Variants in LMTK3 observed in about 807,000 individuals in gnomAD.
LMTK3 encodes lemur tail kinase 3, also known as serine/threonine-protein kinase LMTK3.
Under a neutral mutation model 116.7 loss-of-function variants are expected in LMTK3, and 27 were observed. The ratio of observed to expected loss-of-function variants is 0.23; its 90% CI spans 0.17 to 0.32. The LOEUF is 0.32. Among genes scored for constraint, LMTK3 ranks in the 10% least tolerant of loss-of-function variants. LMTK3 has a pLI of 1.00. For missense variants in LMTK3, 1,764 were observed against 2,068.5 expected, an observed-to-expected ratio of 0.85 and a Z score of 2.86; for synonymous variants, 965 against 971.0, an observed-to-expected ratio of 0.99 and a Z score of 0.11.
intron 7 of LMTK3, 77 bp downstream of exon 7, chr19:48,502,356 C>G: frequency 2.0e-6 from 3 of 1,503,288 alleles, no homozygotes; most frequent in Non-Finnish European, 2.7e-6. Context: ...CGCCCCCCCT[C>G]TAGCCCCTCC....
Position 48,511,598 on chromosome 19 carries a change from GTGGAGGTGGTGGCGGCT to G in LMTK3, c.-39_-23del. On this transcript the variant is annotated 5_prime_UTR_variant, in exon 1 of 15. Coordinates refer to ENST00000600059, the MANE Select transcript of LMTK3 (RefSeq NM_001388485.1). ...GCATCTTGTCGAGGATGGCAGGGAG[GTGGAGGTGGTGGCGGCT>G]GGGGAGGAGGGGGGGGCGGGCCCTC... 2 of 1,230,950 alleles carry G rather than the reference GTGGAGGTGGTGGCGGCT, an allele frequency of 1.6e-6. No homozygotes were observed. Among genetic ancestry groups the G allele is most frequent in the Non-Finnish European group, 1.1e-6 (1 of 921,364 alleles). 76.3% of individuals were successfully genotyped at this position (1,230,950 alleles called of 1,614,324 possible).
At chr19:48,507,289 A>T (rs1213552661) in intron 5 of LMTK3, among the ~76,000 whole-genome samples, 1 of 152,216 alleles carries the variant, frequency 6.6e-6, no homozygotes, top group African/African-American at 2.4e-5. Context: ...GATGGAACAG[A>T]GGTGAAGCGA....
rs1475962447 is a variant in LMTK3, at chr19:48,497,857, G to A, written c.3212C>T (p.Ala1071Val). The change falls in exon 11 of 15, where the codon GCC becomes GTC. Residue 1071 changes from alanine to valine, a missense_variant. Transcript: ENST00000600059. The surrounding 1 kb of genome is among the most constrained non-coding windows in gnomAD (Gnocchi z 5.7). ...VVSSRNGGET[A>V]PGPLGPAPKN... ...GGGGGCTGGGCCAAGGGGGCCAGGG[G>A]CTGTCTCCCCGCCGTTCCGGGAGGA... 10 of 1,432,446 alleles carry A rather than the reference G, an allele frequency of 7.0e-6. No homozygotes were observed. Among genetic ancestry groups the A allele is most frequent in the Non-Finnish European group, 9.1e-6 (10 of 1,097,662 alleles). 88.7% of individuals were successfully genotyped at this position (1,432,446 alleles called of 1,614,324 possible). A position where few individuals can be genotyped will look rare whatever the true frequency, so the allele number is the denominator to read the frequency against.
chr19:48,493,988 G>A lies in LMTK3; in HGVS notation c.3798C>T (p.Gly1266=), dbSNP rs1056413601. The change falls in exon 12 of 15, where the codon GGC becomes GGT. Residue 1266 remains glycine (G), a synonymous_variant. Transcript: ENST00000600059. ...CCGCCGGCCCCGGCGCTCCCGCCCC[G>A]CCGGCCTCCCCGCCAGCCGCCCCGG... The part of the protein sequence containing the change: ...ADAGAAGGEA[G]GAGAPGPAEE... 2.8e-6 allele frequency: 3 copies of A among 1,063,706 alleles called. No individual in the cohort carries two copies. Among genetic ancestry groups the A allele is most frequent in the Non-Finnish European group, 3.4e-6 (3 of 884,492 alleles). The allele number at this position is 1,063,706 out of a possible 1,614,324, so 65.9% of individuals were successfully genotyped here.
chr19:48,493,596 C>T, intron 12 of LMTK3, 98 bp downstream of exon 12: 2 of 1,431,698 alleles, frequency 1.4e-6, no homozygotes, highest in Non-Finnish European at 1.8e-6. Flanking sequence ...AGGCCCCGCC[C>T]AACTCTAAGC....
rs35544294 is a variant in LMTK3, at chr19:48,488,738, C to CTTT, written c.4366+2367_4366+2369dup. Reference sequence around the variant, plus strand: ...CCTTCCAGTTCCCAGTTAAATTACACTTTTTTTTTTTTTTTTTTGAGATGG... The same window carrying CTTT: ...CCTTCCAGTTCCCAGTTAAATTACACTTTTTTTTTTTTTTTTTTTTTGAGATGG... On this transcript the variant is annotated intron_variant, in intron 14 of 14. Coordinates refer to ENST00000600059, the MANE Select transcript of LMTK3 (RefSeq NM_001388485.1). Among the ~76,000 whole-genome samples the CTTT allele has an allele frequency of 2.3e-3, 264 of 112,914 alleles. 2 individuals are homozygous for CTTT. Among genetic ancestry groups the CTTT allele is most frequent in the African/African-American group, 8.1e-3 (249 of 30,778 alleles). 74.1% of individuals were successfully genotyped at this position (112,914 alleles called of 152,430 possible). A position where few individuals can be genotyped will look rare whatever the true frequency, so the allele number is the denominator to read the frequency against.
At chr19:48,489,111 G>A (rs1369944473) in intron 14 of LMTK3, among the ~76,000 whole-genome samples, 1 of 152,204 alleles carries the variant, frequency 6.6e-6, no homozygotes, top group African/African-American at 2.4e-5. Context: ...GCCTGAGTTT[G>A]CAGTTCTTCA....
intron 14 of LMTK3, among the ~76,000 whole-genome samples, chr19:48,486,358 C>T (rs1972125534): frequency 2.0e-5 from 3 of 151,176 alleles, no homozygotes; most frequent in African/African-American, 7.4e-5. Context: ...CGCGCCCGGC[C>T]TTTTGGAACA....
Position 48,498,047 on chromosome 19 carries a change from C to T in LMTK3, c.3022G>A (p.Gly1008Ser), listed in dbSNP as rs2147542167. ...TCCGTGTTCCTGGGGAATCTCAGGC[C>T]CCCATTCTCTGACACCTTGTCCTCG... The part of the protein sequence containing the change: ...KSEDKVSENG[G>S]LRFPRNTERP... Residue 1008 changes from glycine (G) to serine (S), a missense_variant, in exon 11 of 15, where the codon GGC becomes AGC. This residue lies in a region of LMTK3 where 1,028 missense variants were observed against 1,050.6 expected (regional missense o/e 0.98). Transcript: ENST00000600059. The T allele has an allele frequency of 6.2e-7, 1 of 1,612,766 alleles. No homozygotes were observed. Among genetic ancestry groups the T allele is most frequent in the Non-Finnish European group, 8.5e-7 (1 of 1,179,714 alleles).
In LMTK3 at chr19:48,500,935, T is replaced by C; in HGVS notation, c.1151+61A>G. ...GGGTGATGTGGGAAACGAGGGGGGATGCTGGGACCATCCTGGGTGGGGTGC... is the reference window on the plus strand; with the variant it reads ...GGGTGATGTGGGAAACGAGGGGGGACGCTGGGACCATCCTGGGTGGGGTGC... On this transcript the variant is annotated intron_variant, in intron 10 of 14. Transcript: ENST00000600059. This position sits in a 1 kb window ranked among gnomAD's most constrained non-coding sequence, Gnocchi z 4.0. 7.0e-7 allele frequency: 1 copy of C among 1,435,926 alleles called. No homozygotes were observed. Among genetic ancestry groups the C allele is most frequent in the South Asian group, 1.5e-5 (1 of 67,812 alleles). The allele number at this position is 1,435,926 out of a possible 1,614,324, so 88.9% of individuals were successfully genotyped here.
rs1411205662 is a variant in LMTK3, at chr19:48,501,810, T to G, written c.795-248A>C. The stretch of plus-strand genomic sequence containing the variant: ...GCACTGGCTCCTCCTCTTATTCATC[T>G]GACCCTTCTGGCTTCTCCTGCTTCT... On this transcript the variant is annotated intron_variant, in intron 7 of 14. Coordinates refer to ENST00000600059, the MANE Select transcript of LMTK3 (RefSeq NM_001388485.1). 3.3e-5 allele frequency among the ~76,000 whole-genome samples: 5 copies of G among 151,750 alleles called. No individual in the cohort carries two copies. In the South Asian group the frequency reaches 1.0e-3, roughly 32 times the overall value.
rs369992161 is a variant in LMTK3 at position 48,500,990 on chromosome 19, C to A, written c.1151+6G>T. ...GGCCAGGAGCCCCGGGTGGGCTAGC[C>A]CTCACCAGTAGTCCGCGTAAGGCAG... On this transcript the variant is annotated splice_donor_region_variant and intron_variant, in intron 10 of 14. Coordinates refer to ENST00000600059, the MANE Select transcript of LMTK3 (RefSeq NM_001388485.1). This position sits in a 1 kb window ranked among gnomAD's most constrained non-coding sequence, Gnocchi z 4.0. 5 of 1,501,808 alleles carry A rather than the reference C, an allele frequency of 3.3e-6. No homozygotes were observed. The East Asian group carries it at 9.6e-5, about 29-fold the overall frequency. The allele number at this position is 1,501,808 out of a possible 1,614,324, so 93.0% of individuals were successfully genotyped here. A position where few individuals can be genotyped will look rare whatever the true frequency, so the allele number is the denominator to read the frequency against.
At position 48,499,219 on chromosome 19, in the gene LMTK3, G is replaced by T; in HGVS notation, c.1850C>A (p.Ala617Asp). 7.2e-7 allele frequency: 1 copy of T among 1,389,948 alleles called. No individual in the cohort carries two copies. 86.1% of individuals were successfully genotyped at this position (1,389,948 alleles called of 1,614,324 possible). A position where few individuals can be genotyped will look rare whatever the true frequency, so the allele number is the denominator to read the frequency against. Residue 617 changes from alanine (A) to aspartate (D), a missense_variant, in exon 11 of 15, where the codon GCC becomes GAC. This residue lies in a region of LMTK3 where 1,028 missense variants were observed against 1,050.6 expected (regional missense o/e 0.98). Coordinates refer to ENST00000600059, the MANE Select transcript of LMTK3 (RefSeq NM_001388485.1). ...AGGGTCTCCCGCCAGGGTCTCCCCGGCGCCCCGGCCCTCGGGGTCCCAGCC... is the reference window on the plus strand; with the variant it reads ...AGGGTCTCCCGCCAGGGTCTCCCCGTCGCCCCGGCCCTCGGGGTCCCAGCC... The part of the protein sequence containing the change: ...LSGWDPEGRG[A>D]GETLAGDPAE...
Position 48,499,306 on chromosome 19 carries a change from A to G in LMTK3, c.1763T>C (p.Leu588Pro), listed in dbSNP as rs1601049685. The change falls in exon 11 of 15, where the codon CTC becomes CCC. Residue 588 changes from leucine (L) to proline (P), a missense_variant. By Grantham distance (98) the Leu-to-Pro change is moderately conservative. Around this residue, in one of 7 missense-constraint regions of LMTK3, gnomAD observed 1,028 missense variants for 1,050.6 expected, o/e 0.98. Coordinates refer to ENST00000600059, the MANE Select transcript of LMTK3 (RefSeq NM_001388485.1). Reference sequence around the variant, plus strand: ...TGGGAAGGGCCGGGGCGCAGGGAAGAGGGGGGAGGCCCAGGTCTCGGACAC... The same window carrying G: ...TGGGAAGGGCCGGGGCGCAGGGAAGGGGGGGGAGGCCCAGGTCTCGGACAC... ...QLVSETWASP[L>P]FPAPRPFPAQ... 2 of 1,386,078 alleles carry G rather than the reference A, an allele frequency of 1.4e-6. No homozygotes were observed. Among genetic ancestry groups the G allele is most frequent in the Admixed American group, 3.2e-5 (1 of 31,366 alleles). 85.9% of individuals were successfully genotyped at this position (1,386,078 alleles called of 1,614,324 possible).
intron 2 of LMTK3, 115 bp downstream of exon 2, chr19:48,510,344 A>G: frequency 6.9e-7 from 1 of 1,456,076 alleles, no homozygotes; most frequent in Non-Finnish European, 9.2e-7. Context: ...CATAGCTTCA[A>G]GCTGGAAGGT....
chr19:48,486,269 C>T (rs867053689), intron 14 of LMTK3, among the ~76,000 whole-genome samples: 15 of 150,758 alleles, frequency 9.9e-5, no homozygotes, highest in Admixed American at 2.0e-4. Flanking sequence ...CCGTTTTAGC[C>T]GGGATGGTCT....
At position 48,511,376 on chromosome 19, in the gene LMTK3, T is replaced by TGGG. The variant is rs1316764204; in HGVS notation, c.76+124_76+125insCCC. On this transcript the variant is annotated intron_variant, in intron 1 of 14. Coordinates refer to ENST00000600059, the MANE Select transcript of LMTK3 (RefSeq NM_001388485.1). ...GCACCGTCCCCGCCGCTCCGGGCCC[T>TGGG]GCTGGGCTGCGGGAAGACGCGCACC... 1.4e-5 allele frequency: 3 copies of TGGG among 215,632 alleles called. No homozygotes were observed. In the East Asian group the frequency reaches 3.8e-4, roughly 27 times the overall value. The allele number at this position is 215,632 out of a possible 1,614,324, so 13.4% of individuals were successfully genotyped here. A position where few individuals can be genotyped will look rare whatever the true frequency, so the allele number is the denominator to read the frequency against.
chr19:48,501,014 A>G lies in LMTK3; in HGVS notation c.1133T>C (p.Leu378Pro). Reference protein sequence around the residue: ...HVKLARPRLKLPYADYWYDIL... With the variant: ...HVKLARPRLKPPYADYWYDIL... ...CCCTCACCAGTAGTCCGCGTAAGGC[A>G]GCTTGAGCCTCGGCCGGGCCAGCTT... The change falls in exon 10 of 15, where the codon CTG becomes CCG. Residue 378 changes from leucine (L) to proline (P), a missense_variant. By Grantham distance (98) the Leu-to-Pro change is moderately conservative. This residue lies in a region of LMTK3 where 271 missense variants were observed against 478.2 expected (regional missense o/e 0.57). Coordinates refer to ENST00000600059, the MANE Select transcript of LMTK3 (RefSeq NM_001388485.1). 1 of 1,527,232 alleles carries G rather than the reference A, an allele frequency of 6.5e-7. No individual in the cohort carries two copies. Among genetic ancestry groups the G allele is most frequent in the Non-Finnish European group, 8.8e-7 (1 of 1,139,898 alleles). The allele number at this position is 1,527,232 out of a possible 1,614,324, so 94.6% of individuals were successfully genotyped here.
Position 48,498,836 on chromosome 19 carries a change from G to C in LMTK3, c.2233C>G (p.Pro745Ala). Reference protein sequence around the residue: ...PLMGAAAPQYPGRGPPPAPPP... With the variant: ...PLMGAAAPQYAGRGPPPAPPP... ...GGAGCGGGAGGTGGCCCCCGCCCGG[G>C]GTACTGGGGCGCCGCCGCCCCCATG... Residue 745 changes from proline to alanine, a missense_variant, in exon 11 of 15, where the codon CCC becomes GCC. By Grantham distance (27) the Pro-to-Ala change is conservative (BLOSUM62 -1). Transcript: ENST00000600059. 1 of 1,244,032 alleles carries C rather than the reference G, an allele frequency of 8.0e-7. No homozygotes were observed. Among genetic ancestry groups the C allele is most frequent in the Non-Finnish European group, 1.0e-6 (1 of 973,940 alleles). The allele number at this position is 1,244,032 out of a possible 1,614,324, so 77.1% of individuals were successfully genotyped here. A position where few individuals can be genotyped will look rare whatever the true frequency, so the allele number is the denominator to read the frequency against.
Sources: allele counts gnomAD v4.1 joint callset (sites outside exome capture counted in the v4.1 genomes callset), GRCh38; gene constraint gnomAD v4.1.1; regional missense constraint gnomAD v4.1.1; non-coding constraint Gnocchi (gnomAD v3.1); transcripts MANE v1.5; gene names NCBI Gene and HGNC (gene_info 2026-07-23, HGNC 2026-07-21).